JAK2: variants seen among roughly 807,000 people sequenced by gnomAD.
The protein encoded by JAK2 is tyrosine-protein kinase JAK2.
JAK2 carries 86 observed loss-of-function variants against 139.3 expected under a neutral mutation model. That is an observed-to-expected ratio of 0.62 (90% CI 0.52 to 0.74). The LOEUF (loss-of-function observed/expected upper bound fraction) is 0.74, where lower values mean the gene tolerates loss of function less well. JAK2 is among the 30% of genes least tolerant of loss of function. JAK2 has a pLI of 0.00. For synonymous variants in JAK2, 490 were observed against 437.7 expected, an observed-to-expected ratio of 1.12 and a Z score of -1.49; for missense variants, 1,421 against 1,360.3, an observed-to-expected ratio of 1.04 and a Z score of -0.70.
intron 19 of JAK2, among the ~76,000 whole-genome samples, chr9:5,082,346 TG>T (rs1456421072): frequency 2.0e-5 from 3 of 152,236 alleles, no homozygotes; most frequent in Non-Finnish European, 4.4e-5. Context: ...GTACTATGCC[TG>T]GATGTGCACA....
intron 2 of JAK2, among the ~76,000 whole-genome samples, chr9:5,011,392 G>T (rs1821691313): frequency 6.6e-6 from 1 of 152,000 alleles, no homozygotes; most frequent in Non-Finnish European, 1.5e-5. Flanking sequence ...GTCTTGCTAT[G>T]TTGCCAGGGC....
chr9:5,081,955 A>G (rs1819730355), intron 19 of JAK2, 94 bp downstream of exon 19: 5 of 1,036,158 alleles, frequency 4.8e-6, no homozygotes, highest in Non-Finnish European at 7.2e-6. Flanking sequence ...CAACATTTTA[A>G]GGAGTGCTTG....
intron 5 of JAK2, among the ~76,000 whole-genome samples, chr9:5,049,510 A>C (rs1185327207): frequency 6.6e-6 from 1 of 152,194 alleles, no homozygotes; most frequent in East Asian, 1.9e-4. Flanking sequence ...ATCTTCCATG[A>C]AACCCTCCTT....
In JAK2 at chr9:5,069,023, G is replaced by T. The variant is rs753648225; in HGVS notation, c.1328G>T (p.Arg443Leu). The change falls in exon 11 of 25, where the codon CGA becomes CTA. Residue 443 changes from arginine (R) to leucine (L), a missense_variant and splice_region_variant. Physicochemically the swap from Arg to Leu is moderately radical, Grantham distance 102. Transcript: ENST00000381652. ...TTCTTTATAATTAAACTTATACAGC[G>T]AGAAAATGTCATTGAATATAAACAC... ...NKYFLTFAVE[R>L]ENVIEYKHCL... 1 of 1,559,414 alleles carries T rather than the reference G, an allele frequency of 6.4e-7. No homozygotes were observed.
intron 22 of JAK2, among the ~76,000 whole-genome samples, chr9:5,118,295 C>T (rs1823358999): frequency 6.6e-6 from 1 of 152,272 alleles, no homozygotes; most frequent in African/African-American, 2.4e-5. Flanking sequence ...ATTCCCACTT[C>T]CCTTCTCATT....
intron 22 of JAK2, chr9:5,113,661 C>A: frequency 6.1e-6 from 1 of 164,588 alleles, no homozygotes; most frequent in South Asian, 1.7e-4. Flanking sequence ...TTCCTGAAGT[C>A]AGTGACTGTG....
chr9:5,048,672 A>G (rs1160088181), intron 5 of JAK2, among the ~76,000 whole-genome samples: 3 of 152,220 alleles, frequency 2.0e-5, no homozygotes, highest in Admixed American at 2.0e-4. Flanking sequence ...GGTTCTTAAT[A>G]GTTTATTTTC....
chr9:5,050,658 G>T, intron 5 of JAK2, 28 bp from the exon 6 acceptor site: 4 of 1,597,846 alleles, frequency 2.5e-6, no homozygotes, highest in Non-Finnish European at 3.4e-6. Context: ...CTTACGATGA[G>T]ATATTTCCTT....
At chr9:5,018,415 A>G (rs979145189) in intron 2 of JAK2, among the ~76,000 whole-genome samples, 1 of 152,064 alleles carries the variant, frequency 6.6e-6, no homozygotes, top group African/African-American at 2.4e-5. Flanking sequence ...GGCTCACTGC[A>G]GCCTCGACCT....
chr9:5,024,495 C>T (rs912216782), intron 3 of JAK2, among the ~76,000 whole-genome samples: 1 of 152,056 alleles, frequency 6.6e-6, no homozygotes, highest in East Asian at 1.9e-4. Flanking sequence ...TGTGCTGACT[C>T]TAAAGAACAG....
rs186319673 is a variant in JAK2, at chr9:5,110,844, G to A, written c.3060-12160G>A. ...TCGCCCGTTTGTTCGGGGAAGGTGGGGGGGACGCTTCATGCCGCCGCGCCC... is the reference window on the plus strand; with the variant it reads ...TCGCCCGTTTGTTCGGGGAAGGTGGAGGGGACGCTTCATGCCGCCGCGCCC... On this transcript the variant is annotated intron_variant, in intron 22 of 24. Transcript: ENST00000381652. 2.6e-3 allele frequency: 1,236 copies of A among 468,824 alleles called. 17 individuals carry two copies. Among genetic ancestry groups the A allele is most frequent in the African/African-American group, 0.023 (1,155 of 50,786 alleles). 29.0% of individuals were successfully genotyped at this position (468,824 alleles called of 1,614,324 possible). A position where few individuals can be genotyped will look rare whatever the true frequency, so the allele number is the denominator to read the frequency against.
intron 5 of JAK2, among the ~76,000 whole-genome samples, chr9:5,046,580 C>A (rs191390446): frequency 6.6e-6 from 1 of 152,246 alleles, no homozygotes; most frequent in East Asian, 1.9e-4. Context: ...TTTTGTCTAT[C>A]GTGAAGGTAA....
intron 22 of JAK2, chr9:5,100,197 C>T (rs533346175): frequency 1.3e-5 from 2 of 152,356 alleles, no homozygotes; most frequent in East Asian, 1.9e-4. Context: ...CTTATGTCTT[C>T]ACACTACTAG....
chr9:5,127,210 T>A lies in JAK2; in HGVS notation c.*419T>A, dbSNP rs892695892. ...TACCTTGGCATCTTGTGTGATGTTT[T>A]ACACACATGAGGGCTGGTGTTCATT... On this transcript the variant is annotated 3_prime_UTR_variant, in exon 25 of 25. Coordinates refer to ENST00000381652, the MANE Select transcript of JAK2 (RefSeq NM_004972.4). The A allele has an allele frequency of 8.5e-6, 2 of 234,444 alleles. No homozygotes were observed. The highest frequency in any genetic ancestry group is 4.4e-5 in the African/African-American group (2 of 45,316). The allele number at this position is 234,444 out of a possible 1,614,324, so 14.5% of individuals were successfully genotyped here.
chr9:5,104,005 G>C (rs1821746677), intron 22 of JAK2, among the ~76,000 whole-genome samples: 2 of 152,114 alleles, frequency 1.3e-5, no homozygotes, highest in South Asian at 4.1e-4. Flanking sequence ...ACAATTAAAA[G>C]AACTACAGAA....
intron 22 of JAK2, among the ~76,000 whole-genome samples, chr9:5,093,130 TACATAAG>T (rs1157565015): frequency 2.0e-5 from 3 of 152,186 alleles, no homozygotes; most frequent in African/African-American, 7.2e-5. Context: ...CGCATAAGCT[TACATAAG>T]ACTGGAATAA....
chr9:5,025,284 T>G (rs570060158), intron 3 of JAK2, among the ~76,000 whole-genome samples: 1 of 152,314 alleles, frequency 6.6e-6, no homozygotes, highest in Admixed American at 6.5e-5. Context: ...ACCCTTGGTA[T>G]CGTAGTCAAA....
chr9:5,070,257 T>C (rs1348183036), intron 12 of JAK2, among the ~76,000 whole-genome samples: 1 of 152,202 alleles, frequency 6.6e-6, no homozygotes, highest in Non-Finnish European at 1.5e-5. Flanking sequence ...AATGGAATCT[T>C]AATTTTCTTT....
At chr9:5,027,229 T>C (rs780934910) in intron 3 of JAK2, among the ~76,000 whole-genome samples, 1 of 152,232 alleles carries the variant, frequency 6.6e-6, no homozygotes, top group Non-Finnish European at 1.5e-5. Flanking sequence ...ATTGTGGGTT[T>C]GGTTCCAGAC....
Sources: allele counts gnomAD v4.1 joint callset (sites outside exome capture counted in the v4.1 genomes callset), GRCh38; gene constraint gnomAD v4.1.1; transcripts MANE v1.5; gene names NCBI Gene and HGNC (gene_info 2026-07-23, HGNC 2026-07-21).